The following ABLIM1 variants were observed in gnomAD, a reference collection of about 807,000 sequenced individuals.
The protein encoded by ABLIM1 is actin binding LIM protein 1.
Under a neutral mutation model 107.0 loss-of-function variants are expected in ABLIM1, and 40 were observed. The ratio of observed to expected loss-of-function variants is 0.37; its 90% CI spans 0.29 to 0.49. The LOEUF (loss-of-function observed/expected upper bound fraction) is 0.49, where lower values mean the gene tolerates loss of function less well. Among genes scored for constraint, ABLIM1 ranks in the 20% least tolerant of loss-of-function variants. ABLIM1 has a pLI of 0.97. For synonymous variants in ABLIM1, 357 were observed against 357.3 expected (o/e 1.00, Z 0.01); for missense variants, 857 against 1,008.5 (o/e 0.85, Z 2.04).
chr10:114,650,722 A>T (rs2079202135), intron 1 of ABLIM1, among the ~76,000 whole-genome samples: 1 of 152,236 alleles, frequency 6.6e-6, no homozygotes, highest in Middle Eastern at 3.4e-3. Flanking sequence ...TGGGTAAATC[A>T]TATCTATTTT....
chr10:114,611,169 A>G (rs1324372246), intron 1 of ABLIM1, among the ~76,000 whole-genome samples: 1 of 149,328 alleles, frequency 6.7e-6, no homozygotes, highest in Non-Finnish European at 1.5e-5. Flanking sequence ...AAAAAAAAAT[A>G]GATACCCTGA....
intron 1 of ABLIM1, among the ~76,000 whole-genome samples, chr10:114,741,578 A>G (rs959369747): frequency 6.6e-6 from 1 of 152,124 alleles, no homozygotes; most frequent in Admixed American, 6.5e-5. Context: ...TAGATCTAAA[A>G]TCAAAAGAAC....
At chr10:114,724,583 T>C (rs892257486) in intron 1 of ABLIM1, among the ~76,000 whole-genome samples, 1 of 152,170 alleles carries the variant, frequency 6.6e-6, no homozygotes, top group African/African-American at 2.4e-5. Flanking sequence ...CATCATTCCC[T>C]AGAGGCTCTA....
At chr10:114,484,088 C>T (rs1023436827) in intron 8 of ABLIM1, among the ~76,000 whole-genome samples, 10 of 152,192 alleles carry the variant, frequency 6.6e-5, no homozygotes, top group Non-Finnish European at 1.5e-4. Flanking sequence ...TGTTCTCCTT[C>T]TTCTGCTTCT....
At chr10:114,798,279 G>T in the ABLIM1 span, among the ~76,000 whole-genome samples, 1 of 151,906 alleles carries the variant, frequency 6.6e-6, no homozygotes, top group Non-Finnish European at 1.5e-5. Flanking sequence ...AAATTAGCTG[G>T]GTGTGGTGGT....
chr10:114,780,959 T>C, the ABLIM1 span, among the ~76,000 whole-genome samples: 4 of 152,082 alleles, frequency 2.6e-5, no homozygotes, highest in Admixed American at 1.3e-4. Flanking sequence ...TAGAAAGCAA[T>C]TGCCTGGAGG....
Position 114,453,500 on chromosome 10 carries a change from G to A in ABLIM1, c.1442-17C>T, listed in dbSNP as rs2062228746. The stretch of plus-strand genomic sequence containing the variant: ...GCTCATTGCCTCCAATGAGAAGAAT[G>A]GAAAAAACAAAATGAGAGAAGGGAG... On this transcript the variant is annotated splice_polypyrimidine_tract_variant and intron_variant, in intron 12 of 22. Transcript: ENST00000533213. The A allele has an allele frequency of 8.7e-6, 13 of 1,492,448 alleles. No homozygotes were observed. The highest frequency in any genetic ancestry group is 2.4e-5 in the East Asian group (1 of 40,942). The allele number at this position is 1,492,448 out of a possible 1,614,324, so 92.5% of individuals were successfully genotyped here.
chr10:114,601,796 C>A (rs1386578965), intron 2 of ABLIM1, 31 bp downstream of exon 2: 13 of 1,614,118 alleles, frequency 8.1e-6, no homozygotes, highest in Non-Finnish European at 1.1e-5. Context: ...CCATGGCATG[C>A]CACTGAGCCA....
intron 1 of ABLIM1, among the ~76,000 whole-genome samples, chr10:114,643,635 T>C (rs912263921): frequency 6.6e-6 from 1 of 151,400 alleles, no homozygotes; most frequent in East Asian, 1.9e-4. Flanking sequence ...TGGAGTCCAG[T>C]GGCAAGATCA....
chr10:114,462,799 A>C (rs142527348), intron 12 of ABLIM1, among the ~76,000 whole-genome samples: 1 of 152,092 alleles, frequency 6.6e-6, no homozygotes, highest in African/African-American at 2.4e-5. Flanking sequence ...GTGGATAATA[A>C]ATCTTATGGT....
At position 114,432,265 on chromosome 10, in the gene ABLIM1, C is replaced by T. The variant is rs987808925; in HGVS notation, c.*3995G>A. ...GATTAAATACAGGTTAAATAGCTACCAGAAACACAGAAGAGGTGGTTAATA... is the reference window on the plus strand; with the variant it reads ...GATTAAATACAGGTTAAATAGCTACTAGAAACACAGAAGAGGTGGTTAATA... On this transcript the variant is annotated 3_prime_UTR_variant, in exon 23 of 23. Transcript: ENST00000533213. The T allele has an allele frequency of 6.6e-6, 1 of 152,120 alleles. No homozygotes were observed. Among genetic ancestry groups the T allele is most frequent in the East Asian group, 1.9e-4 (1 of 5,200 alleles). 9.4% of individuals were successfully genotyped at this position (152,120 alleles called of 1,614,324 possible).
intron 1 of ABLIM1, among the ~76,000 whole-genome samples, chr10:114,646,082 G>C (rs1350212761): frequency 6.6e-6 from 1 of 152,134 alleles, no homozygotes; most frequent in Non-Finnish European, 1.5e-5. Context: ...ACTATCTCTA[G>C]CAAGATGAAA....
intron 1 of ABLIM1, among the ~76,000 whole-genome samples, chr10:114,624,039 C>T (rs1220789190): frequency 6.6e-6 from 1 of 152,182 alleles, no homozygotes. Context: ...CTTGAATACA[C>T]AGCTCCTGCC....
intron 14 of ABLIM1, chr10:114,450,024 TG>T (rs1167396943): frequency 3.8e-6 from 1 of 266,528 alleles, no homozygotes; most frequent in African/African-American, 2.3e-5. Flanking sequence ...TGATTATTTT[TG>T]TTCAGAGAGG....
At chr10:114,499,505 G>T (rs953793503) in intron 6 of ABLIM1, among the ~76,000 whole-genome samples, 3 of 152,230 alleles carry the variant, frequency 2.0e-5, no homozygotes, top group African/African-American at 7.2e-5. Flanking sequence ...ACACCTAGAG[G>T]CTGGTGGGTT....
At chr10:114,678,853 C>G (rs1371145513) in intron 1 of ABLIM1, among the ~76,000 whole-genome samples, 2 of 152,152 alleles carry the variant, frequency 1.3e-5, no homozygotes, top group Non-Finnish European at 2.9e-5. Flanking sequence ...TTCAGGTTAA[C>G]TGAGCATAAT....
At chr10:114,759,589 C>A (rs1219585168) in intron 1 of ABLIM1, among the ~76,000 whole-genome samples, 1 of 152,088 alleles carries the variant, frequency 6.6e-6, no homozygotes, top group Non-Finnish European at 1.5e-5. Context: ...CTCAGCACAC[C>A]AACTTGCCAT....
chr10:114,493,272 G>A (rs750114177), intron 6 of ABLIM1, among the ~76,000 whole-genome samples: 8 of 152,162 alleles, frequency 5.3e-5, no homozygotes, highest in Non-Finnish European at 8.8e-5. Context: ...GTGCTGGGAG[G>A]CCCAAGTTAG....
At position 114,645,711 on chromosome 10, in the gene ABLIM1, G is replaced by A. The variant is rs1311322082; in HGVS notation, c.244+12246C>T. ...ACACAAAGGAACTTGTATGCACACA[G>A]ACTACGCCAAAGTACTTCTTCCTTT... On this transcript the variant is annotated intron_variant, in intron 1 of 22. Transcript: ENST00000533213. Among the ~76,000 whole-genome samples, 3 of 152,102 alleles carry A rather than the reference G, an allele frequency of 2.0e-5. No homozygotes were observed. In the East Asian group the frequency reaches 5.8e-4, roughly 29 times the overall value.
Sources: gnomAD v4.1 joint callset for allele counts (sites outside exome capture counted in the v4.1 genomes callset) on GRCh38, gnomAD v4.1.1 for gene constraint, MANE v1.5 for transcripts, NCBI Gene and HGNC (gene_info 2026-07-23, HGNC 2026-07-21) for gene names.